KHDRBS2: variants seen among roughly 807,000 people sequenced by gnomAD.
KHDRBS2 encodes the protein KH RNA binding domain containing, signal transduction associated 2.
KHDRBS2 carries 26 observed loss-of-function variants against 44.3 expected under a neutral mutation model. The observed-to-expected ratio is 0.59, with a 90% CI of 0.43 to 0.81. The LOEUF is 0.81. Ranked by LOEUF, KHDRBS2 falls within the 40% of genes least tolerant of loss-of-function variation. The pLI is 0.00. For synonymous variants in KHDRBS2, 194 were observed against 151.1 expected (o/e 1.28, Z -2.08); for missense variants, 476 against 433.1 (o/e 1.10, Z -0.88).
the KHDRBS2 span, among the ~76,000 whole-genome samples, chr6:61,621,998 C>A: frequency 6.6e-6 from 1 of 152,154 alleles, no homozygotes. Context: ...TCATCACAGC[C>A]TGAATGAGCT....
At chr6:61,590,139 C>G in the KHDRBS2 span, among the ~76,000 whole-genome samples, 1 of 151,764 alleles carries the variant, frequency 6.6e-6, no homozygotes, top group Non-Finnish European at 1.5e-5. Flanking sequence ...TTTTTGCATT[C>G]CTGGATTAGT....
chr6:61,833,596 T>C (rs1475309572), intron 6 of KHDRBS2, among the ~76,000 whole-genome samples: 1 of 152,054 alleles, frequency 6.6e-6, no homozygotes, highest in Non-Finnish European at 1.5e-5. Flanking sequence ...AGATACAAAT[T>C]ACATGAAACC....
At chr6:61,951,577 T>A (rs1764748358) in intron 4 of KHDRBS2, among the ~76,000 whole-genome samples, 1 of 152,078 alleles carries the variant, frequency 6.6e-6, no homozygotes, top group African/African-American at 2.4e-5. Context: ...CTTGGAATGC[T>A]AACATGTGTG....
At chr6:61,813,298 G>T (rs1188458826) in intron 6 of KHDRBS2, among the ~76,000 whole-genome samples, 1 of 152,138 alleles carries the variant, frequency 6.6e-6, no homozygotes, top group Non-Finnish European at 1.5e-5. Flanking sequence ...TTGCTGTAAT[G>T]TGACAATACT....
At chr6:61,547,709 C>T in the KHDRBS2 span, among the ~76,000 whole-genome samples, 4 of 152,120 alleles carry the variant, frequency 2.6e-5, no homozygotes, top group Non-Finnish European at 5.9e-5. Context: ...GGAGAGGATG[C>T]CAGTACTCTA....
the KHDRBS2 span, among the ~76,000 whole-genome samples, chr6:61,653,890 A>G: frequency 1.2e-4 from 6 of 48,368 alleles, no homozygotes; most frequent in Non-Finnish European, 1.3e-4. Context: ...GAAACTCAGC[A>G]AGATCGCAAT....
intron 4 of KHDRBS2, among the ~76,000 whole-genome samples, chr6:61,928,863 A>G (rs1809472848): frequency 6.6e-6 from 1 of 152,060 alleles, no homozygotes; most frequent in South Asian, 2.1e-4. Context: ...ATATTATAAA[A>G]CTAGGATTGT....
chr6:61,648,031 C>T, the KHDRBS2 span, among the ~76,000 whole-genome samples: 1 of 151,754 alleles, frequency 6.6e-6, no homozygotes, highest in Non-Finnish European at 1.5e-5. Flanking sequence ...GCACTGATAT[C>T]ACAAAGGGGG....
At position 62,081,530 on chromosome 6, in the gene KHDRBS2, T is replaced by A. The variant is rs558874853; in HGVS notation, c.220-33536A>T. Among the ~76,000 whole-genome samples, 37 of 152,254 alleles carry A rather than the reference T, an allele frequency of 2.4e-4. 1 individual carries two copies. In the South Asian group the frequency reaches 7.5e-3, roughly 31 times the overall value. The stretch of plus-strand genomic sequence containing the variant: ...CAATAATTTACTGAAGTTGCTTAAA[T>A]GGAATCATGCAAAATTAGAACTCAG... On this transcript the variant is annotated intron_variant, in intron 2 of 8. Transcript: ENST00000281156.
chr6:61,894,709 G>A lies in KHDRBS2; in HGVS notation c.736C>T (p.Arg246Ter), dbSNP rs774092643. 5.3e-5 allele frequency: 86 copies of A among 1,613,356 alleles called. 1 individual carries two copies. Among genetic ancestry groups the A allele is most frequent in the Non-Finnish European group, 1.2e-5 (14 of 1,179,792 alleles). The change falls in exon 6 of 9, where the codon CGA becomes TGA. Residue 246 changes from arginine (R) to a stop codon, truncating the protein, a stop_gained. Coordinates refer to ENST00000281156, the MANE Select transcript of KHDRBS2 (RefSeq NM_152688.4). LOFTEE classifies it high-confidence loss of function. ...PPVARGVPTP[R>*]ARGAPTVPGY... ...GGCACTGTTGGTGCCCCCCGGGCTC[G>A]AGGGGTAGGGACACCTCTTGCTACA...
At chr6:62,197,954 C>T (rs939618112) in intron 1 of KHDRBS2, among the ~76,000 whole-genome samples, 10 of 152,176 alleles carry the variant, frequency 6.6e-5, no homozygotes, top group Non-Finnish European at 1.3e-4. Context: ...CACTCAATTA[C>T]ATGGAAATTG....
chr6:61,778,249 C>A lies in KHDRBS2; in HGVS notation c.811-45485G>T, dbSNP rs536189873. 3.9e-5 allele frequency among the ~76,000 whole-genome samples: 6 copies of A among 152,252 alleles called. No homozygotes were observed. In the South Asian group the frequency reaches 1.2e-3, roughly 32 times the overall value. On this transcript the variant is annotated intron_variant, in intron 6 of 8. Transcript: ENST00000281156. ...GGATTCGTTTAACTCCGTGGATGAA[C>A]AGAGCCTCTGTCACTAAGACATTTG...
chr6:62,184,483 T>G (rs2150127481), intron 1 of KHDRBS2, among the ~76,000 whole-genome samples: 1 of 151,768 alleles, frequency 6.6e-6, no homozygotes, highest in East Asian at 1.9e-4. Context: ...ATATAATACA[T>G]ATTATAAATA....
At chr6:62,070,201 T>G (rs1196112282) in intron 2 of KHDRBS2, among the ~76,000 whole-genome samples, 1 of 151,740 alleles carries the variant, frequency 6.6e-6, no homozygotes, top group East Asian at 2.0e-4. Flanking sequence ...TGGATTTGGT[T>G]TGTAGTATTT....
intron 4 of KHDRBS2, among the ~76,000 whole-genome samples, chr6:61,948,968 G>A (rs1181136859): frequency 6.6e-6 from 1 of 151,972 alleles, no homozygotes; most frequent in Non-Finnish European, 1.5e-5. Flanking sequence ...ACCCATGGGA[G>A]CTACCTGCAA....
At chr6:61,734,299 T>C (rs561561561) in intron 6 of KHDRBS2, among the ~76,000 whole-genome samples, 29 of 152,250 alleles carry the variant, frequency 1.9e-4, no homozygotes, top group African/African-American at 6.3e-4. Flanking sequence ...TTTTGTTCAA[T>C]GTTCTAAAGT....
intron 3 of KHDRBS2, among the ~76,000 whole-genome samples, chr6:62,022,693 C>T (rs1782566482): frequency 6.6e-6 from 1 of 151,592 alleles, no homozygotes; most frequent in Admixed American, 6.6e-5. Flanking sequence ...TAGTTTCAAA[C>T]TTACCATAAA....
At chr6:62,023,717 T>C (rs1409434595) in intron 3 of KHDRBS2, among the ~76,000 whole-genome samples, 1 of 151,424 alleles carries the variant, frequency 6.6e-6, no homozygotes, top group East Asian at 1.9e-4. Context: ...CATCATCATG[T>C]GAACTAAATT....
intron 4 of KHDRBS2, among the ~76,000 whole-genome samples, chr6:61,948,871 G>A (rs1764164634): frequency 6.6e-6 from 1 of 151,792 alleles, no homozygotes. Context: ...TGCTGATGGT[G>A]AGAATAACAA....
Sources: allele counts gnomAD v4.1 joint callset (sites outside exome capture counted in the v4.1 genomes callset), GRCh38; gene constraint gnomAD v4.1.1; transcripts MANE v1.5; gene names NCBI Gene and HGNC (gene_info 2026-07-23, HGNC 2026-07-21).